Variants in GAS7 observed in about 807,000 individuals in gnomAD.
The protein encoded by GAS7 is growth arrest specific 7.
In GAS7, 28 loss-of-function variants were observed where a neutral mutation model predicts 71.1. That is an observed-to-expected ratio of 0.39 (90% confidence interval 0.29 to 0.54). GAS7 has a LOEUF of 0.54. Ranked by LOEUF, GAS7 falls within the 20% of genes least tolerant of loss-of-function variation. The pLI is 0.62. For synonymous variants in GAS7, 258 were observed against 245.8 expected (o/e 1.05, Z -0.46); for missense variants, 436 against 627.8 (o/e 0.69, Z 3.27).
At chr17:10,061,666 A>G (rs966036376) in intron 1 of GAS7, among the ~76,000 whole-genome samples, 5 of 152,182 alleles carry the variant, frequency 3.3e-5, no homozygotes, top group African/African-American at 1.2e-4. Flanking sequence ...GTCGTTAATG[A>G]CAGTGTGACA....
chr17:10,139,750 A>G (rs1031049026), intron 1 of GAS7, among the ~76,000 whole-genome samples: 8 of 152,126 alleles, frequency 5.3e-5, no homozygotes, highest in Admixed American at 5.2e-4. Flanking sequence ...TTTCTGGGAG[A>G]TATGGTGCGG....
In GAS7 at chr17:10,109,676, T is replaced by C. The variant is rs929514199; in HGVS notation, c.183+88532A>G. Among the ~76,000 whole-genome samples the C allele has an allele frequency of 3.3e-5, 5 of 152,332 alleles. No individual in the cohort carries two copies. In the East Asian group the frequency reaches 9.6e-4, roughly 29 times the overall value. ...GCTCACGCCTGTAATTCCAACACTT[T>C]GGGAGGCCAAGGCAGGTGGATCACC... On this transcript the variant is annotated intron_variant, in intron 1 of 13. Coordinates refer to ENST00000432992, the MANE Select transcript of GAS7 (RefSeq NM_201433.2).
At chr17:10,124,589 G>A (rs974387510) in intron 1 of GAS7, among the ~76,000 whole-genome samples, 2 of 152,194 alleles carry the variant, frequency 1.3e-5, no homozygotes, top group African/African-American at 4.8e-5. Flanking sequence ...TGGGGCACTG[G>A]ATATTCTCAA....
rs116442749 is a variant in GAS7, at chr17:10,146,691, G to A, written c.183+51517C>T. ...TAAACCATGCTCAAGGGTTAACAGCGTAAAGATCTCTGGCCGGGCGCGGTG... is the reference window on the plus strand; with the variant it reads ...TAAACCATGCTCAAGGGTTAACAGCATAAAGATCTCTGGCCGGGCGCGGTG... On this transcript the variant is annotated intron_variant, in intron 1 of 13. Transcript: ENST00000432992. 7.4e-3 allele frequency among the ~76,000 whole-genome samples: 1,132 copies of A among 152,222 alleles called. 15 individuals are homozygous for A. The highest frequency in any genetic ancestry group is 0.026 in the African/African-American group (1,087 of 41,540).
intron 1 of GAS7, among the ~76,000 whole-genome samples, chr17:10,114,134 C>T (rs564517085): frequency 3.6e-4 from 55 of 152,076 alleles, no homozygotes; most frequent in African/African-American, 1.2e-3. Context: ...CCCTATGTTG[C>T]GCAGGCTGAT....
intron 1 of GAS7, among the ~76,000 whole-genome samples, chr17:10,187,154 G>C (rs2074461372): frequency 6.6e-6 from 1 of 152,170 alleles, no homozygotes; most frequent in Non-Finnish European, 1.5e-5. Context: ...ACCAGCAGAA[G>C]TGTCATGTGT....
At chr17:9,934,001 T>C (rs1201692671) in intron 9 of GAS7, among the ~76,000 whole-genome samples, 165 bp downstream of exon 9, 2 of 152,256 alleles carry the variant, frequency 1.3e-5, no homozygotes, top group Non-Finnish European at 2.9e-5. Context: ...GGTGAGCCAC[T>C]GGGCAGATAT....
intron 1 of GAS7, among the ~76,000 whole-genome samples, chr17:10,192,201 C>G (rs2074507760): frequency 6.6e-6 from 1 of 152,228 alleles, no homozygotes; most frequent in South Asian, 2.1e-4. Context: ...ACTTCTTCTT[C>G]TCGCCATAGG....
intron 1 of GAS7, among the ~76,000 whole-genome samples, chr17:10,108,117 G>A (rs1321804314): frequency 6.6e-6 from 1 of 152,214 alleles, no homozygotes; most frequent in Non-Finnish European, 1.5e-5. Flanking sequence ...GTGGCGGGCT[G>A]GGCTGGAGAA....
chr17:10,073,189 C>A (rs536032863), intron 1 of GAS7, among the ~76,000 whole-genome samples: 2 of 152,330 alleles, frequency 1.3e-5, no homozygotes, highest in African/African-American at 4.8e-5. Context: ...CAGGACTCGA[C>A]GTGTCCCAAC....
At chr17:9,987,248 G>A (rs1318439866) in intron 2 of GAS7, among the ~76,000 whole-genome samples, 2 of 152,238 alleles carry the variant, frequency 1.3e-5, no homozygotes, top group Non-Finnish European at 2.9e-5. Flanking sequence ...AGTGCGGTCA[G>A]AGTGGAAGAA....
chr17:9,965,876 C>T (rs1007089602), intron 4 of GAS7, among the ~76,000 whole-genome samples: 39 of 152,112 alleles, frequency 2.6e-4, no homozygotes, highest in African/African-American at 9.2e-4. Flanking sequence ...GGGGCAGGCA[C>T]CCTCAGGAAC....
At chr17:10,117,193 G>A (rs531772361) in intron 1 of GAS7, among the ~76,000 whole-genome samples, 3 of 151,876 alleles carry the variant, frequency 2.0e-5, no homozygotes, top group South Asian at 2.1e-4. Flanking sequence ...CCTGGCTTTC[G>A]GCCCCTTCCT....
intron 1 of GAS7, among the ~76,000 whole-genome samples, chr17:10,120,687 G>A (rs1315044470): frequency 6.6e-6 from 1 of 152,162 alleles, no homozygotes. Context: ...ACTCCAGCCT[G>A]GGGGACAAGA....
intron 1 of GAS7, among the ~76,000 whole-genome samples, chr17:10,088,893 C>T (rs2073551038): frequency 6.6e-6 from 1 of 151,974 alleles, no homozygotes; most frequent in Admixed American, 6.6e-5. Flanking sequence ...CATGGTGGCT[C>T]ATGCCTGCAA....
intron 1 of GAS7, among the ~76,000 whole-genome samples, chr17:10,100,510 G>C (rs1002835236): frequency 1.3e-5 from 2 of 152,196 alleles, no homozygotes; most frequent in Non-Finnish European, 2.9e-5. Flanking sequence ...ATCCAGGTGA[G>C]AGCAAGGATT....
rs185436224 is a variant in GAS7 at position 9,941,922 on chromosome 17, A to G, written c.731+1199T>C. Among the ~76,000 whole-genome samples the G allele has an allele frequency of 3.9e-4, 60 of 152,344 alleles. 2 individuals are homozygous for G. Among genetic ancestry groups the G allele is most frequent in the African/African-American group, 1.4e-3 (60 of 41,582 alleles). Reference sequence around the variant, plus strand: ...GGAAAGGGGTGCTTCAAAACGCCGAAGCATTATTACTTGATTATTGCTGTT... The same window carrying G: ...GGAAAGGGGTGCTTCAAAACGCCGAGGCATTATTACTTGATTATTGCTGTT... On this transcript the variant is annotated intron_variant, in intron 7 of 13. Coordinates refer to ENST00000432992, the MANE Select transcript of GAS7 (RefSeq NM_201433.2).
Position 9,917,291 on chromosome 17 carries a change from G to A in GAS7, c.1368C>T (p.Asp456=), listed in dbSNP as rs887883214. The change falls in exon 14 of 14, where the codon GAC becomes GAT. Residue 456 remains aspartate (D), a synonymous_variant. Coordinates refer to ENST00000432992, the MANE Select transcript of GAS7 (RefSeq NM_201433.2). ...QLLRKVDPAK[D]RELWVREHKT... ...TGTGCTCTCTGACCCACAGCTCCCT[G>A]TCTTTGGCCGGGTCCACTTTTCGAA... 6.2e-6 allele frequency: 10 copies of A among 1,613,990 alleles called. No homozygotes were observed. The highest frequency in any genetic ancestry group is 8.5e-6 in the Non-Finnish European group (10 of 1,179,922).
intron 1 of GAS7, among the ~76,000 whole-genome samples, chr17:10,132,176 A>G (rs1234040121): frequency 1.3e-5 from 2 of 152,236 alleles, no homozygotes; most frequent in Non-Finnish European, 2.9e-5. Context: ...GAACGTATGG[A>G]TACGTGCTCA....
Sources: gnomAD v4.1 joint callset for allele counts (sites outside exome capture counted in the v4.1 genomes callset) on GRCh38, gnomAD v4.1.1 for gene constraint, MANE v1.5 for transcripts, NCBI Gene and HGNC (gene_info 2026-07-23, HGNC 2026-07-21) for gene names.